SSR3: variants seen among roughly 807,000 people sequenced by gnomAD.
SSR3 encodes the protein signal sequence receptor subunit 3.
A neutral mutation model predicts 22.1 loss-of-function variants in SSR3; 10 were observed. The observed-to-expected ratio is 0.45, with a 90% CI of 0.28 to 0.77. The LOEUF (loss-of-function observed/expected upper bound fraction) is 0.77, where lower values mean the gene tolerates loss of function less well. Ranked by LOEUF, SSR3 falls within the 30% of genes least tolerant of loss-of-function variation. SSR3 has a pLI of 0.13. For missense variants in SSR3, 181 were observed against 220.5 expected, an observed-to-expected ratio of 0.82 and a Z score of 1.13; for synonymous variants, 104 against 82.5, an observed-to-expected ratio of 1.26 and a Z score of -1.42.
chr3:156,551,861 G>A (rs890061101), intron 2 of SSR3, among the ~76,000 whole-genome samples: 3 of 152,116 alleles, frequency 2.0e-5, no homozygotes, highest in Admixed American at 1.3e-4. Flanking sequence ...ATAGGGTAGG[G>A]CACAAGACAT....
rs142276577 is a variant in SSR3 at position 156,543,762 on chromosome 3, T to C, written c.492-493A>G. On this transcript the variant is annotated intron_variant, in intron 4 of 4. Coordinates refer to ENST00000265044, the MANE Select transcript of SSR3 (RefSeq NM_007107.5). ...CTCCAGCATTCCCAGAAGGTACACG[T>C]TGGAGGGTATCTGATATTTTATTAC... 2.2e-4 allele frequency among the ~76,000 whole-genome samples: 34 copies of C among 152,352 alleles called. No homozygotes were observed. In the East Asian group the frequency reaches 5.8e-3, roughly 26 times the overall value.
chr3:156,540,993 G>A lies in SSR3; in HGVS notation c.*2210C>T, dbSNP rs1230009307. On this transcript the variant is annotated 3_prime_UTR_variant, in exon 5 of 5. Transcript: ENST00000265044. ...TATATGCTTTATAATCTTATGCACA[G>A]AAATGTATCTATTAGTACAGAAAGT... 2.0e-5 allele frequency: 3 copies of A among 152,160 alleles called. No homozygotes were observed. The highest frequency in any genetic ancestry group is 2.9e-5 in the Non-Finnish European group (2 of 68,024). 9.4% of individuals were successfully genotyped at this position (152,160 alleles called of 1,614,324 possible). A position where few individuals can be genotyped will look rare whatever the true frequency, so the allele number is the denominator to read the frequency against.
At chr3:156,548,013 T>A (rs1351191352) in intron 3 of SSR3, among the ~76,000 whole-genome samples, 1 of 152,220 alleles carries the variant, frequency 6.6e-6, no homozygotes, top group East Asian at 1.9e-4. Context: ...GAAAACCGTA[T>A]TAAATACAGA....
chr3:156,545,884 A>G (rs533021060), intron 3 of SSR3, among the ~76,000 whole-genome samples: 127 of 152,350 alleles, frequency 8.3e-4, no homozygotes, highest in Non-Finnish European at 8.8e-4. Context: ...TAGTCTCAAC[A>G]TGGTTTAACA....
chr3:156,544,671 C>T (rs6795731), intron 3 of SSR3, among the ~76,000 whole-genome samples: 23,187 of 151,986 alleles, frequency 0.15, 1,884 homozygotes, highest in East Asian at 0.33. Flanking sequence ...ACCATTTTTC[C>T]CAGGCAACCA....
chr3:156,543,446 T>A (rs1719642136), intron 4 of SSR3, among the ~76,000 whole-genome samples, 177 bp from the exon 5 acceptor site: 1 of 150,344 alleles, frequency 6.7e-6, no homozygotes, highest in Admixed American at 6.6e-5. Flanking sequence ...CAAAAAAAAA[T>A]GGAAAACATT....
At chr3:156,554,691 C>T in intron 1 of SSR3, 1 of 472,506 alleles carries the variant, frequency 2.1e-6, no homozygotes, top group East Asian at 3.8e-5. Context: ...CACCCCAGAA[C>T]TAGTTAACCA....
At position 156,544,233 on chromosome 3, in the gene SSR3, T is replaced by C. The variant is rs1576998894; in HGVS notation, c.491+75A>G. Reference sequence around the variant, plus strand: ...AGCAGTTTTTCTTTCCACTAAAATATCCAGACAAGTCAAAACCAAAATGAA... The same window carrying C: ...AGCAGTTTTTCTTTCCACTAAAATACCCAGACAAGTCAAAACCAAAATGAA... On this transcript the variant is annotated intron_variant, in intron 4 of 4. Coordinates refer to ENST00000265044, the MANE Select transcript of SSR3 (RefSeq NM_007107.5). The C allele has an allele frequency of 1.3e-5, 18 of 1,374,192 alleles. 1 individual carries two copies. In the South Asian group the frequency reaches 1.5e-4, roughly 12 times the overall value. 85.1% of individuals were successfully genotyped at this position (1,374,192 alleles called of 1,614,324 possible). A position where few individuals can be genotyped will look rare whatever the true frequency, so the allele number is the denominator to read the frequency against.
In SSR3 at chr3:156,542,833, C is replaced by T. The variant is rs1719613149; in HGVS notation, c.*370G>A. ...AAGTTGTAATATTGTGCTTGGAACACAGAGAACCAGTTATTAACTTCCTAC... is the reference window on the plus strand; with the variant it reads ...AAGTTGTAATATTGTGCTTGGAACATAGAGAACCAGTTATTAACTTCCTAC... On this transcript the variant is annotated 3_prime_UTR_variant, in exon 5 of 5. Coordinates refer to ENST00000265044, the MANE Select transcript of SSR3 (RefSeq NM_007107.5). 1.0e-5 allele frequency: 2 copies of T among 193,050 alleles called. No individual in the cohort carries two copies. The highest frequency in any genetic ancestry group is 4.6e-5 in the African/African-American group (2 of 43,086). 12.0% of individuals were successfully genotyped at this position (193,050 alleles called of 1,614,324 possible).
intron 1 of SSR3, 129 bp from the exon 2 acceptor site, chr3:156,553,910 G>T (rs1440827645): frequency 4.7e-6 from 4 of 847,406 alleles, no homozygotes. Flanking sequence ...CAATCCAATA[G>T]TATCTGAGGA....
At chr3:156,545,973 AG>A (rs1220771199) in intron 3 of SSR3, among the ~76,000 whole-genome samples, 3 of 152,178 alleles carry the variant, frequency 2.0e-5, no homozygotes, top group Non-Finnish European at 4.4e-5. Context: ...TTGCTTACGT[AG>A]GTTATTAGGC....
chr3:156,550,916 G>T (rs1015862761), intron 2 of SSR3, among the ~76,000 whole-genome samples: 1 of 152,116 alleles, frequency 6.6e-6, no homozygotes, highest in Non-Finnish European at 1.5e-5. Context: ...TATAGCTGAG[G>T]AATCTGAAGT....
chr3:156,549,323 C>T (rs191053142), intron 2 of SSR3, among the ~76,000 whole-genome samples: 2 of 152,308 alleles, frequency 1.3e-5, no homozygotes, highest in East Asian at 3.9e-4. Context: ...ATCATTTTAA[C>T]TACATTTTGT....
intron 2 of SSR3, among the ~76,000 whole-genome samples, 153 bp downstream of exon 2, chr3:156,553,502 T>C (rs1720035283): frequency 6.6e-6 from 1 of 152,212 alleles, no homozygotes; most frequent in African/African-American, 2.4e-5. Flanking sequence ...TTAATAATTC[T>C]TCCTAGCATC....
intron 2 of SSR3, among the ~76,000 whole-genome samples, chr3:156,550,788 A>T (rs1288881995): frequency 6.6e-6 from 1 of 152,254 alleles, no homozygotes; most frequent in Non-Finnish European, 1.5e-5. Flanking sequence ...GGGCTCTCTT[A>T]GCCCCAACCT....
chr3:156,552,218 C>A (rs1719986461), intron 2 of SSR3, among the ~76,000 whole-genome samples: 1 of 150,906 alleles, frequency 6.6e-6, no homozygotes, highest in Non-Finnish European at 1.5e-5. Flanking sequence ...GTGGGAGGAT[C>A]ACTTGAGCCC....
rs187177219 is a variant in SSR3 at position 156,545,958 on chromosome 3, T to C, written c.360-1519A>G. Among the ~76,000 whole-genome samples, 3 of 152,258 alleles carry C rather than the reference T, an allele frequency of 2.0e-5. No homozygotes were observed. In the East Asian group the frequency reaches 5.8e-4, roughly 29 times the overall value. ...GACTCCGGCATGAGACCCAGTGAAG[T>C]CAGGTTGCTTACGTAGGTTATTAGG... On this transcript the variant is annotated intron_variant, in intron 3 of 4. Transcript: ENST00000265044.
rs1285528483 is a variant in SSR3, at chr3:156,541,549, G to A, written c.*1654C>T. 6.6e-6 allele frequency: 1 copy of A among 152,168 alleles called. No individual in the cohort carries two copies. Among genetic ancestry groups the A allele is most frequent in the Non-Finnish European group, 1.5e-5 (1 of 68,046 alleles). 9.4% of individuals were successfully genotyped at this position (152,168 alleles called of 1,614,324 possible). The stretch of plus-strand genomic sequence containing the variant: ...CTGCTTCAGCCTCCCAAGTAGCTGA[G>A]ATTACAGGCGCCCACCATCACGCCT... On this transcript the variant is annotated 3_prime_UTR_variant, in exon 5 of 5. Transcript: ENST00000265044.
At chr3:156,544,766 C>A (rs1347183041) in intron 3 of SSR3, among the ~76,000 whole-genome samples, 1 of 152,166 alleles carries the variant, frequency 6.6e-6, no homozygotes. Context: ...TGGCCCTTAC[C>A]TAAAACTCAA....
Sources: allele counts gnomAD v4.1 joint callset (sites outside exome capture counted in the v4.1 genomes callset), GRCh38; gene constraint gnomAD v4.1.1; transcripts MANE v1.5; gene names NCBI Gene and HGNC (gene_info 2026-07-23, HGNC 2026-07-21).